Variants in CSMD1 observed in about 807,000 individuals in gnomAD.
The protein encoded by CSMD1 is CUB and Sushi multiple domains 1, also known as CUB and sushi domain-containing protein 1.
Under a neutral mutation model 417.5 loss-of-function variants are expected in CSMD1, and 213 were observed. That is an observed-to-expected ratio of 0.51 (90% confidence interval 0.46 to 0.57). The LOEUF (loss-of-function observed/expected upper bound fraction) is 0.57, where lower values mean the gene tolerates loss of function less well. CSMD1 is among the 20% of genes least tolerant of loss of function. The pLI, the probability that CSMD1 is intolerant of heterozygous loss-of-function variation, is 0.00. For synonymous variants in CSMD1, 2,862 were observed against 1,736.8 expected, an observed-to-expected ratio of 1.65 and a Z score of -16.11; for missense variants, 6,923 against 4,529.7, an observed-to-expected ratio of 1.53 and a Z score of -15.17.
chr8:4,330,811 T>A (rs1185144908), intron 3 of CSMD1, among the ~76,000 whole-genome samples: 1 of 152,146 alleles, frequency 6.6e-6, no homozygotes, highest in Non-Finnish European at 1.5e-5. Flanking sequence ...TCTGAAGCAC[T>A]GTTCATTCTT....
intron 3 of CSMD1, among the ~76,000 whole-genome samples, chr8:4,313,685 G>A (rs780811318): frequency 2.0e-5 from 3 of 152,000 alleles, no homozygotes. Flanking sequence ...AGCTCTGAAA[G>A]TTTCAGACAT....
intron 12 of CSMD1, among the ~76,000 whole-genome samples, chr8:3,451,002 C>A (rs1282567794): frequency 6.6e-6 from 1 of 152,152 alleles, no homozygotes; most frequent in Non-Finnish European, 1.5e-5. Flanking sequence ...CTAATGACTG[C>A]CATTCTAACT....
chr8:3,770,578 G>A (rs537403853), intron 5 of CSMD1, among the ~76,000 whole-genome samples: 1 of 152,196 alleles, frequency 6.6e-6, no homozygotes, highest in Admixed American at 6.5e-5. Flanking sequence ...GGAACATTAA[G>A]AGGCCTGTCG....
At chr8:4,992,675 C>A (rs947323550) in intron 1 of CSMD1, among the ~76,000 whole-genome samples, 3 of 152,256 alleles carry the variant, frequency 2.0e-5, no homozygotes, top group African/African-American at 7.2e-5. Flanking sequence ...CAATTCCCAG[C>A]CAGTCCAGTG....
intron 5 of CSMD1, among the ~76,000 whole-genome samples, chr8:3,995,133 GC>G (rs1395635345): frequency 6.6e-6 from 1 of 152,066 alleles, no homozygotes; most frequent in Non-Finnish European, 1.5e-5. Context: ...AAAATAATAG[GC>G]TTTTTAAGAT....
At chr8:3,603,745 G>T (rs1193411349) in intron 8 of CSMD1, among the ~76,000 whole-genome samples, 2 of 152,134 alleles carry the variant, frequency 1.3e-5, no homozygotes, top group Admixed American at 6.5e-5. Flanking sequence ...ATATGGGCTT[G>T]ATTCTAACTT....
At chr8:3,320,086 G>T (rs140467741) in intron 23 of CSMD1, among the ~76,000 whole-genome samples, 5 of 152,124 alleles carry the variant, frequency 3.3e-5, no homozygotes, top group Non-Finnish European at 7.3e-5. Context: ...TGCCACCAGC[G>T]CACACAGAAG....
At chr8:4,223,602 T>C (rs778813081) in intron 3 of CSMD1, among the ~76,000 whole-genome samples, 17 of 152,250 alleles carry the variant, frequency 1.1e-4, no homozygotes, top group Admixed American at 3.9e-4. Context: ...AGCAGGTTGA[T>C]TGACCATGGG....
chr8:3,727,268 T>A (rs1036898307), intron 6 of CSMD1, among the ~76,000 whole-genome samples: 5 of 152,202 alleles, frequency 3.3e-5, no homozygotes, highest in Non-Finnish European at 7.3e-5. Flanking sequence ...GGAAAGTAAT[T>A]CTACATACAC....
At chr8:4,622,762 A>G (rs1257237403) in intron 2 of CSMD1, among the ~76,000 whole-genome samples, 2 of 152,116 alleles carry the variant, frequency 1.3e-5, no homozygotes, top group African/African-American at 4.8e-5. Flanking sequence ...ATTGTACTGA[A>G]GGAGCTGGGC....
At chr8:3,805,888 A>AC (rs1201747374) in intron 5 of CSMD1, among the ~76,000 whole-genome samples, 4 of 152,070 alleles carry the variant, frequency 2.6e-5, no homozygotes, top group Non-Finnish European at 5.9e-5. Context: ...TCTGGGGCAA[A>AC]CCAAACACTT....
chr8:4,782,284 C>A (rs555352575), intron 1 of CSMD1, among the ~76,000 whole-genome samples: 1 of 152,172 alleles, frequency 6.6e-6, no homozygotes, highest in East Asian at 1.9e-4. Flanking sequence ...AAAGATAAAC[C>A]TTTGAGATGA....
chr8:3,648,200 T>C (rs1041028992), intron 7 of CSMD1, among the ~76,000 whole-genome samples: 1 of 152,260 alleles, frequency 6.6e-6, no homozygotes, highest in African/African-American at 2.4e-5. Context: ...TGTATATTAC[T>C]CTTCTCACCA....
At chr8:4,670,756 G>C (rs1478855736) in intron 1 of CSMD1, among the ~76,000 whole-genome samples, 2 of 152,048 alleles carry the variant, frequency 1.3e-5, no homozygotes, top group Non-Finnish European at 2.9e-5. Flanking sequence ...AGAAATACAA[G>C]TACACAAAAA....
intron 41 of CSMD1, among the ~76,000 whole-genome samples, chr8:3,126,033 G>A (rs1295220987): frequency 3.3e-5 from 5 of 152,098 alleles, no homozygotes; most frequent in African/African-American, 4.8e-5. Context: ...ATCTACCTCG[G>A]CAGTACATAC....
chr8:4,842,211 T>A (rs575254988), intron 1 of CSMD1, among the ~76,000 whole-genome samples: 6 of 152,152 alleles, frequency 3.9e-5, no homozygotes, highest in Non-Finnish European at 8.8e-5. Flanking sequence ...ACAGGTGAAT[T>A]GAGTGTGGGA....
intron 1 of CSMD1, chr8:4,788,626 A>G: frequency 1.2e-6 from 1 of 827,476 alleles, no homozygotes; most frequent in East Asian, 2.5e-5. Flanking sequence ...AAAAACTACA[A>G]ATTTCTAATT....
At chr8:4,882,733 G>C (rs1205094892) in intron 1 of CSMD1, among the ~76,000 whole-genome samples, 1 of 151,676 alleles carries the variant, frequency 6.6e-6, no homozygotes, top group East Asian at 1.9e-4. Context: ...TTTATAATAT[G>C]TTATAATATT....
rs141468683 is a variant in CSMD1, at chr8:4,193,347, T to G, written c.416-161248A>C. Among the ~76,000 whole-genome samples the G allele has an allele frequency of 3.6e-3, 552 of 152,168 alleles. 5 individuals are homozygous for G. The highest frequency in any genetic ancestry group is 5.8e-3 in the Non-Finnish European group (397 of 68,016). The stretch of plus-strand genomic sequence containing the variant: ...GAACGTCCTCCAATAAAAAAAATAC[T>G]CAATATATACTGCCAGTTTAAATGT... On this transcript the variant is annotated intron_variant, in intron 3 of 69. Coordinates refer to ENST00000635120, the MANE Select transcript of CSMD1 (RefSeq NM_033225.6).
Sources: gnomAD v4.1 joint callset for allele counts (sites outside exome capture counted in the v4.1 genomes callset) on GRCh38, gnomAD v4.1.1 for gene constraint, MANE v1.5 for transcripts, NCBI Gene and HGNC (gene_info 2026-07-23, HGNC 2026-07-21) for gene names.